LLGL1: variants seen among roughly 807,000 people sequenced by gnomAD.
LLGL1 encodes lethal(2) giant larvae protein homolog 1.
In LLGL1, 58 loss-of-function variants were observed where a neutral mutation model predicts 110.6. The ratio of observed to expected loss-of-function variants is 0.52; its 90% CI spans 0.42 to 0.65. LLGL1 has a LOEUF of 0.65. LLGL1 is among the 30% of genes least tolerant of loss of function. The pLI is 0.00. For synonymous variants in LLGL1, 674 were observed against 607.2 expected, an observed-to-expected ratio of 1.11 and a Z score of -1.62; for missense variants, 1,229 against 1,462.1, an observed-to-expected ratio of 0.84 and a Z score of 2.60.
intron 1 of LLGL1, among the ~76,000 whole-genome samples, chr17:18,229,500 C>T (rs553769596): frequency 2.0e-5 from 3 of 152,144 alleles, no homozygotes; most frequent in African/African-American, 4.8e-5. Flanking sequence ...GGTCATCTTG[C>T]GGGACTCCTC....
rs532475904 is a variant in LLGL1, at chr17:18,241,236, A to G, written c.2503-215A>G. On this transcript the variant is annotated intron_variant, in intron 17 of 22. Coordinates refer to ENST00000316843, the MANE Select transcript of LLGL1 (RefSeq NM_004140.4). The stretch of plus-strand genomic sequence containing the variant: ...TAACCTTGGCATAACTCTGTGATTG[A>G]TTTTGTCACAGATCGAGAGAGGGCC... The G allele has an allele frequency of 1.5e-4, 98 of 632,420 alleles. No individual in the cohort carries two copies. In the Admixed American group the frequency reaches 1.9e-3, roughly 12 times the overall value. 39.2% of individuals were successfully genotyped at this position (632,420 alleles called of 1,614,324 possible).
chr17:18,227,029 G>A (rs538286456), intron 1 of LLGL1, among the ~76,000 whole-genome samples: 7 of 152,320 alleles, frequency 4.6e-5, no homozygotes, highest in Admixed American at 3.3e-4. Context: ...TAGCCTTGAG[G>A]GGCAGGGATT....
rs1195590412 is a variant in LLGL1 at position 18,244,832 on chromosome 17, C to CTGAT, written c.*928_*931dup. The stretch of plus-strand genomic sequence containing the variant: ...TAGCGCCATTTTAATATTAAAAATA[C>CTGAT]TGATTTTTAATATTGAAAATAAAAG... On this transcript the variant is annotated 3_prime_UTR_variant, in exon 23 of 23. Coordinates refer to ENST00000316843, the MANE Select transcript of LLGL1 (RefSeq NM_004140.4). 1.4e-5 allele frequency: 5 copies of CTGAT among 363,582 alleles called. No homozygotes were observed. Among genetic ancestry groups the CTGAT allele is most frequent in the East Asian group, 3.9e-5 (1 of 25,688 alleles). 22.5% of individuals were successfully genotyped at this position (363,582 alleles called of 1,614,324 possible).
At chr17:18,226,362 G>C (rs1482933722) in intron 1 of LLGL1, among the ~76,000 whole-genome samples, 1 of 152,176 alleles carries the variant, frequency 6.6e-6, no homozygotes, top group Non-Finnish European at 1.5e-5. Flanking sequence ...CCTTGGGACA[G>C]CCCTGGGGCC....
chr17:18,243,358 C>G (rs971954219), intron 22 of LLGL1, among the ~76,000 whole-genome samples: 1 of 152,222 alleles, frequency 6.6e-6, no homozygotes, highest in Non-Finnish European at 1.5e-5. Context: ...CCACCCGCCT[C>G]GGCCTCCCTA....
At position 18,242,640 on chromosome 17, in the gene LLGL1, G is replaced by A. The variant is rs201281568; in HGVS notation, c.3116+12G>A. ...AAGGATTTCCTGGGGTGAGGCTGGT[G>A]GGCAGGTCCACAGGGGGGGCTGCCC... On this transcript the variant is annotated intron_variant, in intron 21 of 22. Transcript: ENST00000316843. 263 of 1,600,740 alleles carry A rather than the reference G, an allele frequency of 1.6e-4. No individual in the cohort carries two copies. Among genetic ancestry groups the A allele is most frequent in the Non-Finnish European group, 5.5e-5 (64 of 1,173,428 alleles).
At position 18,236,936 on chromosome 17, in the gene LLGL1, C is replaced by A. The variant is rs1176445998; in HGVS notation, c.1608C>A (p.Gly536=). ...TAQMVVAGTA[G]QVLVLELSDV... is the part of the protein sequence containing the mutation. Reference sequence around the variant, plus strand: ...AGATGGTGGTGGCTGGCACTGCAGGCCAGGTAGGGCTGGGTGTCCCCTGGG... The same window carrying A: ...AGATGGTGGTGGCTGGCACTGCAGGACAGGTAGGGCTGGGTGTCCCCTGGG... The change falls in exon 13 of 23, where the codon GGC becomes GGA. Residue 536 remains glycine (G), a synonymous_variant. Transcript: ENST00000316843. 2 of 1,611,104 alleles carry A rather than the reference C, an allele frequency of 1.2e-6. No homozygotes were observed. Among genetic ancestry groups the A allele is most frequent in the Middle Eastern group, 1.7e-4 (1 of 6,056 alleles).
At chr17:18,243,130 C>T (rs765482866) in intron 22 of LLGL1, among the ~76,000 whole-genome samples, 6 of 150,710 alleles carry the variant, frequency 4.0e-5, no homozygotes, top group East Asian at 1.9e-4. Context: ...GTTTTTGAGA[C>T]GGAGTCTTGC....
intron 2 of LLGL1, among the ~76,000 whole-genome samples, chr17:18,231,032 G>T (rs896250520): frequency 6.6e-6 from 1 of 152,166 alleles, no homozygotes; most frequent in Non-Finnish European, 1.5e-5. Context: ...TGGGTGCTGC[G>T]CTGCGTGCGC....
intron 16 of LLGL1, among the ~76,000 whole-genome samples, chr17:18,239,784 A>G (rs1473851712): frequency 6.6e-6 from 1 of 151,438 alleles, no homozygotes; most frequent in Non-Finnish European, 1.5e-5. Context: ...ACAAAGACCT[A>G]GAAGAGGAGA....
rs911496215 is a variant in LLGL1, at chr17:18,237,726, TG to T, written c.1859del (p.Gly620AlafsTer34). ...WSLVAFGTSH[G>X]FGLFDYQRKS... ...GCCTCGTGGCTTTTGGCACCAGTCA[TG>T]GCTTTGGCCTCTTCGACTACCAGCG... is the stretch of plus-strand genomic sequence containing the variant. On this transcript the variant is annotated frameshift_variant, in exon 14 of 23. Coordinates refer to ENST00000316843, the MANE Select transcript of LLGL1 (RefSeq NM_004140.4). LOFTEE classifies it high-confidence loss of function. 1 of 1,612,714 alleles carries T rather than the reference TG, an allele frequency of 6.2e-7. No individual in the cohort carries two copies. Among genetic ancestry groups the T allele is most frequent in the Non-Finnish European group, 8.5e-7 (1 of 1,179,874 alleles).
rs570526901 is a variant in LLGL1 at position 18,227,162 on chromosome 17, G to T, written c.81+1399G>T. ...GGACCTGGAGTAGTGGAGGCACTGG[G>T]ATGTCTCAGGGTTTCCCTGCCTAGG... On this transcript the variant is annotated intron_variant, in intron 1 of 22. Transcript: ENST00000316843. 1.6e-4 allele frequency among the ~76,000 whole-genome samples: 25 copies of T among 152,310 alleles called. No individual in the cohort carries two copies. The South Asian group carries it at 5.2e-3, about 32-fold the overall frequency.
chr17:18,225,964 G>A (rs1248657083), intron 1 of LLGL1, among the ~76,000 whole-genome samples: 1 of 151,796 alleles, frequency 6.6e-6, no homozygotes, highest in East Asian at 1.9e-4. Flanking sequence ...TGGGTCTCCG[G>A]CCGACTTTCC....
At chr17:18,230,469 G>A (rs946818387) in intron 2 of LLGL1, among the ~76,000 whole-genome samples, 1 of 152,142 alleles carries the variant, frequency 6.6e-6, no homozygotes, top group Non-Finnish European at 1.5e-5. Context: ...AAAGGGGCCT[G>A]GGGGCAGTGC....
intron 11 of LLGL1, 41 bp downstream of exon 11, chr17:18,235,578 G>C: frequency 6.3e-7 from 1 of 1,594,556 alleles, no homozygotes; most frequent in Non-Finnish European, 8.6e-7. Context: ...GCCCCTTGCT[G>C]TTGGGGGAGA....
Position 18,242,634 on chromosome 17 carries a change from G to C in LLGL1, c.3116+6G>C. ...GATGTGAAGGATTTCCTGGGGTGAG[G>C]CTGGTGGGCAGGTCCACAGGGGGGG... On this transcript the variant is annotated splice_donor_region_variant and intron_variant, in intron 21 of 22. Transcript: ENST00000316843. The C allele has an allele frequency of 6.2e-7, 1 of 1,604,500 alleles. No homozygotes were observed. The highest frequency in any genetic ancestry group is 8.5e-7 in the Non-Finnish European group (1 of 1,175,312).
intron 16 of LLGL1, 125 bp downstream of exon 16, chr17:18,238,734 C>T (rs1267720038): frequency 1.6e-5 from 16 of 973,568 alleles, no homozygotes; most frequent in Admixed American, 8.7e-5. Context: ...TGGCTGGGCA[C>T]GGTGGCTCAA....
At chr17:18,229,848 G>C in intron 1 of LLGL1, 93 bp from the exon 2 acceptor site, 1 of 794,242 alleles carries the variant, frequency 1.3e-6, no homozygotes, top group Non-Finnish European at 2.0e-6. Context: ...GTCAGCTGCA[G>C]ACCCTGGAGG....
intron 7 of LLGL1, 93 bp from the exon 8 acceptor site, chr17:18,234,556 C>T (rs1567689329): frequency 6.3e-7 from 1 of 1,582,526 alleles, no homozygotes; most frequent in East Asian, 2.3e-5. Flanking sequence ...CAGGAGGCAG[C>T]TGTAAGGTAG....
Sources: allele counts gnomAD v4.1 joint callset (sites outside exome capture counted in the v4.1 genomes callset), GRCh38; gene constraint gnomAD v4.1.1; transcripts MANE v1.5; gene names NCBI Gene and HGNC (gene_info 2026-07-23, HGNC 2026-07-21).